The following SEC14L2 variants were observed in gnomAD, a reference collection of about 807,000 sequenced individuals.
SEC14L2 encodes SEC14-like protein 2.
Under a neutral mutation model 56.9 loss-of-function variants are expected in SEC14L2, and 50 were observed. The observed-to-expected ratio is 0.88, with a 90% confidence interval of 0.70 to 1.11. The LOEUF is 1.11. Ranked by LOEUF, SEC14L2 falls within the 50% of genes most tolerant of loss-of-function variation. The probability of loss-of-function intolerance (pLI) is 0.00; values close to 1 mark genes in which losing one functional copy is unlikely to be tolerated. For synonymous variants in SEC14L2, 179 were observed against 188.5 expected (o/e 0.95, Z 0.41); for missense variants, 414 against 500.7 (o/e 0.83, Z 1.65).
intron 11 of SEC14L2, chr22:30,420,749 T>A (rs1179199081): frequency 2.0e-5 from 3 of 152,084 alleles, no homozygotes; most frequent in Non-Finnish European, 2.9e-5. Flanking sequence ...ATACAGGATA[T>A]TTTTTTTCTT....
intron 2 of SEC14L2, among the ~76,000 whole-genome samples, chr22:30,405,143 A>G (rs890433965): frequency 1.3e-5 from 2 of 152,108 alleles, no homozygotes; most frequent in Admixed American, 6.6e-5. Flanking sequence ...CTTAGAGCAC[A>G]CTCTGAGGGG....
At chr22:30,422,215 A>G in intron 11 of SEC14L2, 62 bp from the exon 12 acceptor site, 2 of 1,596,128 alleles carry the variant, frequency 1.3e-6, no homozygotes, top group Admixed American at 1.7e-5. Flanking sequence ...AACAAAAATC[A>G]CTGTCCCCAA....
intron 11 of SEC14L2, among the ~76,000 whole-genome samples, chr22:30,419,014 C>T (rs1417893628): frequency 6.6e-6 from 1 of 152,214 alleles, no homozygotes; most frequent in East Asian, 1.9e-4. Flanking sequence ...CAAGGGCCTA[C>T]TGAGTACAGA....
intron 2 of SEC14L2, among the ~76,000 whole-genome samples, chr22:30,404,009 CAAAAAAA>C (rs67366822): frequency 1.1e-5 from 1 of 93,222 alleles, no homozygotes; most frequent in Admixed American, 1.3e-4. Context: ...GACTCCGTCT[CAAAAAAA>C]AAAAAAAAAA....
rs746930291 is a variant in SEC14L2 at position 30,397,093 on chromosome 22, C to T, written c.-24C>T. On this transcript the variant is annotated 5_prime_UTR_variant, in exon 1 of 12. Coordinates refer to ENST00000615189, the MANE Select transcript of SEC14L2 (RefSeq NM_012429.5). The stretch of plus-strand genomic sequence containing the variant: ...GCACCCGCCGCCTCCCGCCCCCAAA[C>T]CCCATCCCCGCGGTTGAGCCACGAT... 3 of 1,545,578 alleles carry T rather than the reference C, an allele frequency of 1.9e-6. No individual in the cohort carries two copies. Among genetic ancestry groups the T allele is most frequent in the Admixed American group, 3.9e-5 (2 of 50,878 alleles).
At chr22:30,406,025 T>C (rs1569206863) in intron 2 of SEC14L2, among the ~76,000 whole-genome samples, 1 of 152,092 alleles carries the variant, frequency 6.6e-6, no homozygotes, top group Non-Finnish European at 1.5e-5. Flanking sequence ...CCGGGGTTCA[T>C]TTTCACTGAG....
At chr22:30,408,973 C>T (rs1221851953) in intron 5 of SEC14L2, 1 of 642,062 alleles carries the variant, frequency 1.6e-6, no homozygotes, top group Non-Finnish European at 2.9e-6. Context: ...CAGTCATGTA[C>T]TGGAAAAGAA....
rs1177838188 is a variant in SEC14L2, at chr22:30,401,894, A to G, written c.130+2176A>G. On this transcript the variant is annotated intron_variant, in intron 2 of 11. Coordinates refer to ENST00000615189, the MANE Select transcript of SEC14L2 (RefSeq NM_012429.5). ...GGTACACACCACTGTGACTGGCCCT[A>G]TTATTTCTTTATGGACACATAAAGA... 2.6e-5 allele frequency among the ~76,000 whole-genome samples: 4 copies of G among 152,032 alleles called. No individual in the cohort carries two copies. In the East Asian group the frequency reaches 7.7e-4, roughly 29 times the overall value.
intron 11 of SEC14L2, among the ~76,000 whole-genome samples, chr22:30,419,132 T>G (rs34964064): frequency 0.079 from 11,987 of 152,286 alleles, 648 homozygotes; most frequent in Non-Finnish European, 0.12. Context: ...GGGTGAGCAG[T>G]GCTGTGGTGA....
intron 7 of SEC14L2, among the ~76,000 whole-genome samples, chr22:30,410,323 G>A (rs1366140015): frequency 6.6e-6 from 1 of 152,204 alleles, no homozygotes; most frequent in Non-Finnish European, 1.5e-5. Context: ...ACAACTCACA[G>A]AGCTTTCAGT....
chr22:30,409,295 G>A lies in SEC14L2; in HGVS notation c.519+13G>A. The A allele has an allele frequency of 1.2e-6, 2 of 1,612,204 alleles. No individual in the cohort carries two copies. The highest frequency in any genetic ancestry group is 1.7e-6 in the Non-Finnish European group (2 of 1,178,664). Reference sequence around the variant, plus strand: ...GGCCTATGGAGAGGTGAGGGGCAGGGGTGGGGAGGAAGGGGACAGAGGGAA... The same window carrying A: ...GGCCTATGGAGAGGTGAGGGGCAGGAGTGGGGAGGAAGGGGACAGAGGGAA... On this transcript the variant is annotated intron_variant, in intron 6 of 11. Transcript: ENST00000615189.
At position 30,409,283 on chromosome 22, in the gene SEC14L2, G is replaced by A; in HGVS notation, c.519+1G>A. 1.2e-6 allele frequency: 2 copies of A among 1,612,592 alleles called. No individual in the cohort carries two copies. The highest frequency in any genetic ancestry group is 1.7e-6 in the Non-Finnish European group (2 of 1,178,994). ...GCCTGCTGTGGAGGCCTATGGAGAG[G>A]TGAGGGGCAGGGGTGGGGAGGAAGG... On this transcript the variant is annotated splice_donor_variant, in intron 6 of 11. Transcript: ENST00000615189. LOFTEE classifies it high-confidence loss of function.
rs781133074 is a variant in SEC14L2, at chr22:30,397,205, G to A, written c.54+35G>A. 4 of 1,485,406 alleles carry A rather than the reference G, an allele frequency of 2.7e-6. No homozygotes were observed. The Admixed American group carries it at 6.7e-5, about 25-fold the overall frequency. The allele number at this position is 1,485,406 out of a possible 1,614,324, so 92.0% of individuals were successfully genotyped here. The stretch of plus-strand genomic sequence containing the variant: ...AGCCCTGGCCCGGGCTCCCGCCTCG[G>A]GCTGTGGCCCTCGCCCTCCTGCGGC... On this transcript the variant is annotated intron_variant, in intron 1 of 11. Transcript: ENST00000615189.
chr22:30,397,306 G>A, intron 1 of SEC14L2, 136 bp downstream of exon 1: 1 of 806,718 alleles, frequency 1.2e-6, no homozygotes, highest in Non-Finnish European at 1.8e-6. Flanking sequence ...GGCTGTCCCA[G>A]CCTGGCCCGC....
At chr22:30,412,170 C>G (rs562553875) in intron 8 of SEC14L2, among the ~76,000 whole-genome samples, 1 of 152,226 alleles carries the variant, frequency 6.6e-6, no homozygotes, top group Non-Finnish European at 1.5e-5. Context: ...TCAGAGTTTT[C>G]AGCAGGGGAG....
chr22:30,398,749 C>T (rs767378128), intron 1 of SEC14L2: 6 of 471,204 alleles, frequency 1.3e-5, no homozygotes. Context: ...CCCCAGCAAA[C>T]TCCTCATCCT....
In SEC14L2 at chr22:30,423,926, C is replaced by T. The variant is rs1336085291; in HGVS notation, c.*1519C>T. ...ACTCAGACGGCGTCAGGGACCCGGA[C>T]CCAGCAGCCGTTTCACGCCAATAGA... On this transcript the variant is annotated 3_prime_UTR_variant, in exon 12 of 12. Transcript: ENST00000615189. 6.6e-6 allele frequency: 1 copy of T among 152,286 alleles called. No individual in the cohort carries two copies. The highest frequency in any genetic ancestry group is 1.5e-5 in the Non-Finnish European group (1 of 68,062). The allele number at this position is 152,286 out of a possible 1,614,324, so 9.4% of individuals were successfully genotyped here.
In SEC14L2 at chr22:30,422,765, T is replaced by G; in HGVS notation, c.*358T>G. 1 of 183,918 alleles carries G rather than the reference T, an allele frequency of 5.4e-6. No homozygotes were observed. Among genetic ancestry groups the G allele is most frequent in the Non-Finnish European group, 1.1e-5 (1 of 87,622 alleles). The allele number at this position is 183,918 out of a possible 1,614,324, so 11.4% of individuals were successfully genotyped here. A position where few individuals can be genotyped will look rare whatever the true frequency, so the allele number is the denominator to read the frequency against. On this transcript the variant is annotated 3_prime_UTR_variant, in exon 12 of 12. Transcript: ENST00000615189. Reference sequence around the variant, plus strand: ...AGGGTGAAAGATTGGGACTTAACACTTCAGGGAAGTCAGCTGCCGGGGAGA... The same window carrying G: ...AGGGTGAAAGATTGGGACTTAACACGTCAGGGAAGTCAGCTGCCGGGGAGA...
At position 30,410,651 on chromosome 22, in the gene SEC14L2, C is replaced by G; in HGVS notation, c.636C>G (p.Asp212Glu). ...TCATCAAACCCTTCCTGAGTGAGGA[C>G]ACTCGTAAGAAGATCATGGTCCTGG... ...YNLIKPFLSE[D>E]TRKKIMVLGA... Residue 212 changes from aspartate (D) to glutamate (E), a missense_variant, in exon 8 of 12, where the codon GAC becomes GAG. Physicochemically the swap from Asp to Glu is conservative, Grantham distance 45. Coordinates refer to ENST00000615189, the MANE Select transcript of SEC14L2 (RefSeq NM_012429.5). The G allele has an allele frequency of 2.5e-6, 4 of 1,614,204 alleles. No individual in the cohort carries two copies. Among genetic ancestry groups the G allele is most frequent in the Non-Finnish European group, 2.5e-6 (3 of 1,179,998 alleles).
Sources: gnomAD v4.1 joint callset for allele counts (sites outside exome capture counted in the v4.1 genomes callset) on GRCh38, gnomAD v4.1.1 for gene constraint, MANE v1.5 for transcripts, NCBI Gene and HGNC (gene_info 2026-07-23, HGNC 2026-07-21) for gene names.